Variants in KIAA1328 observed in about 807,000 individuals in gnomAD.
The protein encoded by KIAA1328 is protein hinderin.
KIAA1328 carries 52 observed loss-of-function variants against 68.1 expected under a neutral mutation model. That is an observed-to-expected ratio of 0.76 (90% CI 0.61 to 0.96). The LOEUF is 0.96. Among genes scored for constraint, KIAA1328 ranks in the 40% least tolerant of loss-of-function variants. KIAA1328 has a pLI of 0.00. For missense variants in KIAA1328, 641 were observed against 677.6 expected (o/e 0.95, Z 0.60); for synonymous variants, 232 against 239.4 (o/e 0.97, Z 0.28).
intron 3 of KIAA1328, among the ~76,000 whole-genome samples, chr18:36,840,429 C>T (rs2046821329): frequency 6.6e-6 from 1 of 150,426 alleles, no homozygotes; most frequent in African/African-American, 2.4e-5. Context: ...TTTTCTTTTC[C>T]TTTTTTCCAT....
intron 9 of KIAA1328, among the ~76,000 whole-genome samples, chr18:37,218,974 G>A (rs533525575): frequency 7.9e-5 from 12 of 152,292 alleles, no homozygotes; most frequent in Non-Finnish European, 1.6e-4. Flanking sequence ...CTCTGATGAT[G>A]GTGACCTACA....
intron 5 of KIAA1328, among the ~76,000 whole-genome samples, chr18:36,928,735 C>T (rs1187077662): frequency 3.9e-5 from 6 of 152,206 alleles, no homozygotes; most frequent in Middle Eastern, 3.4e-3. Flanking sequence ...TGCATTTATC[C>T]TGCTTGAAGT....
At chr18:36,962,596 C>G (rs1330172527) in intron 6 of KIAA1328, among the ~76,000 whole-genome samples, 5 of 152,062 alleles carry the variant, frequency 3.3e-5, no homozygotes. Flanking sequence ...GCAAATGTAA[C>G]AGAACAGAAA....
At chr18:36,842,701 G>T (rs577026667) in intron 3 of KIAA1328, among the ~76,000 whole-genome samples, 2 of 148,468 alleles carry the variant, frequency 1.3e-5, no homozygotes, top group South Asian at 2.1e-4. Flanking sequence ...TAGTTACAAA[G>T]ATTTCTCTTT....
downstream of KIAA1328, chr18:37,232,086 C>G (rs1050951821): frequency 6.6e-6 from 1 of 152,174 alleles, no homozygotes; most frequent in African/African-American, 2.4e-5. Flanking sequence ...GCATTTTTAA[C>G]TCGAGTGCTA....
chr18:37,136,207 C>T (rs933881733), intron 7 of KIAA1328, among the ~76,000 whole-genome samples: 1 of 152,160 alleles, frequency 6.6e-6, no homozygotes, highest in African/African-American at 2.4e-5. Flanking sequence ...GTTGATTCAC[C>T]AGTGGACCTT....
At chr18:37,142,830 G>A (rs1211703994) in intron 7 of KIAA1328, among the ~76,000 whole-genome samples, 1 of 151,246 alleles carries the variant, frequency 6.6e-6, no homozygotes, top group South Asian at 2.1e-4. Context: ...TAGTTTATCA[G>A]TTTCTATTAA....
chr18:37,139,993 G>C (rs2058733204), intron 7 of KIAA1328, among the ~76,000 whole-genome samples: 1 of 152,120 alleles, frequency 6.6e-6, no homozygotes, highest in Non-Finnish European at 1.5e-5. Context: ...GTAATGCAGA[G>C]GGTAGGAGGT....
rs551861035 is a variant in KIAA1328 at position 37,116,700 on chromosome 18, A to G, written c.1233-43500A>G. Among the ~76,000 whole-genome samples, 187 of 152,352 alleles carry G rather than the reference A, an allele frequency of 1.2e-3. 3 individuals are homozygous for G. The highest frequency in any genetic ancestry group is 4.4e-3 in the African/African-American group (181 of 41,582). ...CTAAAGAGCTTCTGCACAGCAAAAG[A>G]AACTACCATCAGAGTGAACAGGCAA... On this transcript the variant is annotated intron_variant, in intron 7 of 9. Coordinates refer to ENST00000280020, the MANE Select transcript of KIAA1328 (RefSeq NM_020776.3).
intron 7 of KIAA1328, among the ~76,000 whole-genome samples, chr18:37,146,202 G>A (rs1359648017): frequency 1.3e-5 from 2 of 151,946 alleles, no homozygotes; most frequent in African/African-American, 4.8e-5. Context: ...ACTCAGCCTA[G>A]TACCCAATAT....
chr18:36,935,948 C>G (rs1425930044), intron 5 of KIAA1328, among the ~76,000 whole-genome samples: 1 of 152,144 alleles, frequency 6.6e-6, no homozygotes, highest in Non-Finnish European at 1.5e-5. Flanking sequence ...TATGAAGATG[C>G]TGTGATTAAG....
At chr18:37,027,431 C>T (rs2054630459) in intron 6 of KIAA1328, among the ~76,000 whole-genome samples, 1 of 152,166 alleles carries the variant, frequency 6.6e-6, no homozygotes, top group Non-Finnish European at 1.5e-5. Flanking sequence ...AACAAAAGAA[C>T]AAAGCTGGAA....
intron 9 of KIAA1328, among the ~76,000 whole-genome samples, chr18:37,196,852 A>G (rs573858287): frequency 6.6e-6 from 1 of 152,160 alleles, no homozygotes; most frequent in African/African-American, 2.4e-5. Context: ...TAGAATTGAT[A>G]TTAGTTCTTC....
At chr18:36,940,443 T>C (rs958360224) in intron 5 of KIAA1328, among the ~76,000 whole-genome samples, 2 of 152,144 alleles carry the variant, frequency 1.3e-5, no homozygotes, top group African/African-American at 4.8e-5. Flanking sequence ...TTAAACCCAG[T>C]GTAGACAACT....
At chr18:37,062,929 T>C (rs746719124) in intron 6 of KIAA1328, among the ~76,000 whole-genome samples, 6 of 152,206 alleles carry the variant, frequency 3.9e-5, no homozygotes, top group African/African-American at 9.6e-5. Context: ...TGCAGATTTA[T>C]TACCTCACAA....
intron 6 of KIAA1328, among the ~76,000 whole-genome samples, chr18:37,020,423 G>A (rs1046552568): frequency 2.6e-5 from 4 of 152,136 alleles, no homozygotes; most frequent in African/African-American, 7.2e-5. Context: ...ACGCCCAGCC[G>A]AAACGTAAGT....
At chr18:37,160,855 T>A (rs1427587925) in intron 8 of KIAA1328, among the ~76,000 whole-genome samples, 1 of 152,220 alleles carries the variant, frequency 6.6e-6, no homozygotes, top group East Asian at 1.9e-4. Context: ...CCTAACAGTC[T>A]TTTAAGTGTC....
chr18:37,202,440 T>C lies in KIAA1328; in HGVS notation c.1524-19577T>C, dbSNP rs1023156296. Among the ~76,000 whole-genome samples, 9 of 152,198 alleles carry C rather than the reference T, an allele frequency of 5.9e-5. 1 individual carries two copies. Among genetic ancestry groups the C allele is most frequent in the Non-Finnish European group, 1.5e-5 (1 of 68,010 alleles). On this transcript the variant is annotated intron_variant, in intron 9 of 9. Coordinates refer to ENST00000280020, the MANE Select transcript of KIAA1328 (RefSeq NM_020776.3). ...TCCAATGGTATGATCTCCAAAGTTA[T>C]CACAAACTTGTATTCAAGAGTACTT...
At chr18:37,137,869 CAAA>C (rs2058679004) in intron 7 of KIAA1328, among the ~76,000 whole-genome samples, 2 of 152,094 alleles carry the variant, frequency 1.3e-5, no homozygotes, top group East Asian at 3.9e-4. Context: ...TCCTGAGGTC[CAAA>C]CCTGTCCTTA....
Sources: allele counts gnomAD v4.1 joint callset (sites outside exome capture counted in the v4.1 genomes callset), GRCh38; gene constraint gnomAD v4.1.1; transcripts MANE v1.5; gene names NCBI Gene and HGNC (gene_info 2026-07-23, HGNC 2026-07-21).